The following ANKH variants were observed in gnomAD, a reference collection of about 807,000 sequenced individuals.
The protein encoded by ANKH is ANKH inorganic pyrophosphate transport regulator, also known as mineralization regulator ANKH.
Under a neutral mutation model 49.0 loss-of-function variants are expected in ANKH, and 15 were observed. The ratio of observed to expected loss-of-function variants is 0.31; its 90% CI spans 0.20 to 0.47. The LOEUF (loss-of-function observed/expected upper bound fraction) is 0.47. Ranked by LOEUF, ANKH falls within the 20% of genes least tolerant of loss-of-function variation. ANKH has a pLI of 1.00. For missense variants in ANKH, 429 were observed against 652.0 expected (o/e 0.66, Z 3.72); for synonymous variants, 273 against 260.0 (o/e 1.05, Z -0.48).
chr5:14,746,460 G>T (rs370143178), intron 6 of ANKH, among the ~76,000 whole-genome samples: 1 of 152,130 alleles, frequency 6.6e-6, no homozygotes, highest in East Asian at 1.9e-4. Flanking sequence ...ACAAGATCAG[G>T]TGAGCCAGTT....
rs1180480346 is a variant in ANKH, at chr5:14,716,775, C to T, written c.1072G>A (p.Gly358Arg). 1.9e-6 allele frequency: 3 copies of T among 1,613,976 alleles called. No individual in the cohort carries two copies. Among genetic ancestry groups the T allele is most frequent in the African/African-American group, 2.7e-5 (2 of 74,918 alleles). ...AGTTCTGCAAAGGCAAAGTCCACTC[C>T]GATGATGTCTATCAAGATTTTCTCA... ...VSEKILIDII[G>R]VDFAFAELCV... The change falls in exon 9 of 12, where the codon GGA becomes AGA. Residue 358 changes from glycine to arginine, a missense_variant. Coordinates refer to ENST00000284268, the MANE Select transcript of ANKH (RefSeq NM_054027.6).
chr5:14,716,573 G>T, intron 9 of ANKH, 133 bp downstream of exon 9: 1 of 1,194,966 alleles, frequency 8.4e-7, no homozygotes, highest in Non-Finnish European at 1.2e-6. Context: ...ACTGGCTAAT[G>T]TTTTTGCATC....
chr5:14,789,038 G>A (rs1332677129), intron 1 of ANKH, among the ~76,000 whole-genome samples: 1 of 152,140 alleles, frequency 6.6e-6, no homozygotes, highest in Non-Finnish European at 1.5e-5. Context: ...AGACCAGCCT[G>A]GCTAACATAG....
intron 11 of ANKH, among the ~76,000 whole-genome samples, chr5:14,712,555 G>A (rs1407213426): frequency 2.6e-5 from 4 of 152,226 alleles, no homozygotes; most frequent in Non-Finnish European, 5.9e-5. Flanking sequence ...GCATGTCTGC[G>A]GGTCATTCCC....
At chr5:14,828,715 T>C (rs185408487) in intron 1 of ANKH, among the ~76,000 whole-genome samples, 1 of 152,330 alleles carries the variant, frequency 6.6e-6, no homozygotes, top group African/African-American at 2.4e-5. Flanking sequence ...TTTAATGGCC[T>C]GGACTCTAGA....
intron 1 of ANKH, among the ~76,000 whole-genome samples, chr5:14,860,293 G>C (rs1194776069): frequency 6.6e-6 from 1 of 152,184 alleles, no homozygotes; most frequent in African/African-American, 2.4e-5. Flanking sequence ...TGTCAGGCTG[G>C]CTGCAAGCTG....
chr5:14,831,698 C>T lies in ANKH; in HGVS notation c.96+39654G>A, dbSNP rs187785598. Among the ~76,000 whole-genome samples the T allele has an allele frequency of 2.2e-4, 33 of 152,258 alleles. 1 individual carries two copies. The East Asian group carries it at 6.2e-3, about 29-fold the overall frequency. ...AGCACTGTTCAGATTTACTTGATCA[C>T]AGGGTCCAATTTTCACCCAAAACTT... is the stretch of plus-strand genomic sequence containing the variant. On this transcript the variant is annotated intron_variant, in intron 1 of 11. Coordinates refer to ENST00000284268, the MANE Select transcript of ANKH (RefSeq NM_054027.6).
At chr5:14,751,328 A>C in intron 4 of ANKH, 89 bp from the exon 5 acceptor site, 1 of 1,339,384 alleles carries the variant, frequency 7.5e-7, no homozygotes, top group South Asian at 1.2e-5. Flanking sequence ...AACCTGAGAC[A>C]GACCTCTGAG....
chr5:14,761,395 C>T (rs751986799), intron 2 of ANKH, among the ~76,000 whole-genome samples: 7 of 152,130 alleles, frequency 4.6e-5, no homozygotes, highest in African/African-American at 9.7e-5. Context: ...TCAGATGGGA[C>T]ATGTGAGTTT....
chr5:14,708,024 A>T lies in ANKH; in HGVS notation c.*3173T>A, dbSNP rs952808723. The T allele has an allele frequency of 6.6e-6, 1 of 152,210 alleles. No homozygotes were observed. Among genetic ancestry groups the T allele is most frequent in the Non-Finnish European group, 1.5e-5 (1 of 68,036 alleles). 9.4% of individuals were successfully genotyped at this position (152,210 alleles called of 1,614,324 possible). A position where few individuals can be genotyped will look rare whatever the true frequency, so the allele number is the denominator to read the frequency against. On this transcript the variant is annotated 3_prime_UTR_variant, in exon 12 of 12. Transcript: ENST00000284268. ...CAAATCCGTCAATACTCCCTGAGCC[A>T]TGTGGCCGGCAGGTCCAATCCTACC...
At position 14,757,430 on chromosome 5, in the gene ANKH, A is replaced by AT. The variant is rs1243593041; in HGVS notation, c.432+1049dup. On this transcript the variant is annotated intron_variant, in intron 3 of 11. Transcript: ENST00000284268. ...TATTGGAACATATATATATATATAT[A>AT]TTTTTTTTTTTTTTTTTTTGCTAAG... Among the ~76,000 whole-genome samples the AT allele has an allele frequency of 4.7e-3, 539 of 113,788 alleles. 9 individuals are homozygous for AT. The highest frequency in any genetic ancestry group is 0.011 in the East Asian group (44 of 4,032). The allele number at this position is 113,788 out of a possible 152,430, so 74.6% of individuals were successfully genotyped here. A position where few individuals can be genotyped will look rare whatever the true frequency, so the allele number is the denominator to read the frequency against.
At chr5:14,806,271 A>AC (rs1405258610) in intron 1 of ANKH, among the ~76,000 whole-genome samples, 1 of 151,220 alleles carries the variant, frequency 6.6e-6, no homozygotes, top group East Asian at 2.0e-4. Flanking sequence ...ACCACCCTCA[A>AC]CCCCCCAAAA....
chr5:14,712,484 G>A (rs1000784929), intron 11 of ANKH, among the ~76,000 whole-genome samples: 1 of 152,240 alleles, frequency 6.6e-6, no homozygotes, highest in East Asian at 1.9e-4. Flanking sequence ...GTCTTGGACT[G>A]CCCAGTCCTT....
At chr5:14,798,526 G>C (rs770451125) in intron 1 of ANKH, 137 of 718,546 alleles carry the variant, frequency 1.9e-4, no homozygotes, top group Admixed American at 9.0e-5. Flanking sequence ...AAGGTTTGTG[G>C]CAACCCTGTG....
intron 2 of ANKH, among the ~76,000 whole-genome samples, chr5:14,759,590 A>G (rs1739007209): frequency 1.3e-5 from 2 of 151,676 alleles, no homozygotes; most frequent in Admixed American, 6.6e-5. Context: ...TTTCTAGCAA[A>G]AAAAAAAAAT....
intron 1 of ANKH, among the ~76,000 whole-genome samples, chr5:14,810,304 C>G (rs1439091206): frequency 6.6e-6 from 1 of 151,852 alleles, no homozygotes; most frequent in Non-Finnish European, 1.5e-5. Context: ...ATTACAGGCG[C>G]CCGCCACCAG....
At chr5:14,803,326 C>A (rs559705275) in intron 1 of ANKH, among the ~76,000 whole-genome samples, 1 of 152,210 alleles carries the variant, frequency 6.6e-6, no homozygotes, top group Admixed American at 6.5e-5. Flanking sequence ...GTTGCCCGGG[C>A]TGGAGTGCAG....
intron 1 of ANKH, among the ~76,000 whole-genome samples, chr5:14,803,045 T>C (rs1277556632): frequency 1.3e-5 from 2 of 152,194 alleles, no homozygotes; most frequent in Non-Finnish European, 2.9e-5. Context: ...ATACCGTGAA[T>C]TGCTATCCAC....
At position 14,769,015 on chromosome 5, in the gene ANKH, C is replaced by T. The variant is rs763574454; in HGVS notation, c.273G>A (p.Val91=). ...RDRTKAVLCM[V]VAGAIAAVFH... Reference sequence around the variant, plus strand: ...AGACGGCAGCGATGGCCCCTGCCACCACCATACACAGGACGGCTTTGGTCC... The same window carrying T: ...AGACGGCAGCGATGGCCCCTGCCACTACCATACACAGGACGGCTTTGGTCC... The change falls in exon 2 of 12, where the codon GTG becomes GTA. Residue 91 remains valine, a synonymous_variant. Transcript: ENST00000284268. The T allele has an allele frequency of 6.2e-7, 1 of 1,614,236 alleles. No homozygotes were observed. Among genetic ancestry groups the T allele is most frequent in the Admixed American group, 1.7e-5 (1 of 60,034 alleles).
Sources: allele counts gnomAD v4.1 joint callset (sites outside exome capture counted in the v4.1 genomes callset), GRCh38; gene constraint gnomAD v4.1.1; transcripts MANE v1.5; gene names NCBI Gene and HGNC (gene_info 2026-07-23, HGNC 2026-07-21).